Variants in LRPPRC observed in about 807,000 individuals in gnomAD.
The protein encoded by LRPPRC is leucine-rich PPR motif-containing protein, mitochondrial.
In LRPPRC, 120 loss-of-function variants were observed where a neutral mutation model predicts 180.3. That is an observed-to-expected ratio of 0.67 (90% confidence interval 0.57 to 0.77). LRPPRC has a LOEUF of 0.77. LRPPRC is among the 30% of genes least tolerant of loss of function. The probability of loss-of-function intolerance (pLI) is 0.00; values close to 1 mark genes in which losing one functional copy is unlikely to be tolerated. For synonymous variants in LRPPRC, 723 were observed against 600.0 expected, an observed-to-expected ratio of 1.21 and a Z score of -3.00; for missense variants, 2,012 against 1,657.2, an observed-to-expected ratio of 1.21 and a Z score of -3.72.
chr2:43,934,123 T>G (rs1434475687), intron 25 of LRPPRC, 67 bp downstream of exon 25: 22 of 909,676 alleles, frequency 2.4e-5, no homozygotes. Flanking sequence ...AGGTTAAAAT[T>G]TTTAAATGTA....
intron 25 of LRPPRC, among the ~76,000 whole-genome samples, chr2:43,932,117 C>T (rs1332850455): frequency 3.4e-5 from 2 of 59,074 alleles, no homozygotes; most frequent in Non-Finnish European, 5.7e-5. Flanking sequence ...AAGCAAGACC[C>T]TGTCTCAAAA....
intron 3 of LRPPRC, 129 bp downstream of exon 3, chr2:43,979,697 T>C: frequency 2.6e-6 from 2 of 755,164 alleles, no homozygotes; most frequent in East Asian, 2.7e-5. Context: ...ATAAATATTA[T>C]CAAAAAATTA....
chr2:43,930,809 C>A (rs538171543), intron 25 of LRPPRC, among the ~76,000 whole-genome samples: 1 of 152,268 alleles, frequency 6.6e-6, no homozygotes, highest in African/African-American at 2.4e-5. Flanking sequence ...AACTAAAACT[C>A]AGGGTTCGTG....
At chr2:43,970,797 T>C (rs1673770358) in intron 11 of LRPPRC, among the ~76,000 whole-genome samples, 1 of 152,196 alleles carries the variant, frequency 6.6e-6, no homozygotes, top group African/African-American at 2.4e-5. Flanking sequence ...GGCAACTGCT[T>C]CCTCTTTGAA....
At chr2:43,945,620 C>G (rs1478122886) in intron 21 of LRPPRC, among the ~76,000 whole-genome samples, 1 of 151,944 alleles carries the variant, frequency 6.6e-6, no homozygotes, top group Non-Finnish European at 1.5e-5. Flanking sequence ...AGTAAAAGCC[C>G]AACACTACAT....
At chr2:43,989,664 C>T (rs1391595679) in intron 1 of LRPPRC, among the ~76,000 whole-genome samples, 1 of 152,160 alleles carries the variant, frequency 6.6e-6, no homozygotes. Context: ...TCATTCTGCA[C>T]CCAATGATAA....
chr2:43,974,327 T>C (rs773076787), intron 8 of LRPPRC, 32 bp from the exon 9 acceptor site: 7 of 1,524,308 alleles, frequency 4.6e-6, no homozygotes, highest in African/African-American at 1.4e-5. Context: ...CTTTTGTTAA[T>C]AAACTGAACA....
intron 3 of LRPPRC, 106 bp from the exon 4 acceptor site, chr2:43,977,382 A>T: frequency 1.2e-6 from 1 of 864,342 alleles, no homozygotes; most frequent in South Asian, 1.4e-5. Context: ...TCACTTTAGC[A>T]TTTCACCCAT....
intron 31 of LRPPRC, among the ~76,000 whole-genome samples, chr2:43,904,875 G>T (rs1312672669): frequency 6.6e-6 from 1 of 152,120 alleles, no homozygotes. Flanking sequence ...CAAAACTGCA[G>T]TATCACTGTA....
intron 27 of LRPPRC, among the ~76,000 whole-genome samples, chr2:43,922,544 G>A (rs1466583843): frequency 1.3e-5 from 2 of 152,198 alleles, no homozygotes; most frequent in Non-Finnish European, 2.9e-5. Context: ...TGGATCACAA[G>A]GTCAGGAGTT....
Position 43,886,270 on chromosome 2 carries a change from T to G in LRPPRC, c.*2330A>C, listed in dbSNP as rs1670268680. On this transcript the variant is annotated 3_prime_UTR_variant, in exon 38 of 38. Transcript: ENST00000260665. Reference sequence around the variant, plus strand: ...TCAAAGCATTTCAGTTAAAATTATTTTGGGTTCAAATACATGAACATATAA... The same window carrying G: ...TCAAAGCATTTCAGTTAAAATTATTGTGGGTTCAAATACATGAACATATAA... 6.6e-6 allele frequency among the ~76,000 whole-genome samples: 1 copy of G among 152,182 alleles called. No homozygotes were observed. The highest frequency in any genetic ancestry group is 1.5e-5 in the Non-Finnish European group (1 of 68,030).
At chr2:43,964,601 T>C (rs1265605679) in intron 11 of LRPPRC, among the ~76,000 whole-genome samples, 2 of 152,156 alleles carry the variant, frequency 1.3e-5, no homozygotes, top group African/African-American at 4.8e-5. Context: ...GTACAAATAA[T>C]TGACAGTAAA....
chr2:43,989,732 T>C (rs1426719214), intron 1 of LRPPRC, among the ~76,000 whole-genome samples: 1 of 152,180 alleles, frequency 6.6e-6, no homozygotes, highest in Non-Finnish European at 1.5e-5. Flanking sequence ...GTAACATATG[T>C]AAAACACTTG....
chr2:43,896,442 G>A (rs1396707525), intron 35 of LRPPRC, 192 bp downstream of exon 35: 6 of 522,678 alleles, frequency 1.1e-5, no homozygotes, highest in Admixed American at 9.6e-5. Context: ...AAATTCCTGC[G>A]TGAACTTGTT....
intron 22 of LRPPRC, among the ~76,000 whole-genome samples, chr2:43,944,528 T>A (rs1229742241): frequency 6.6e-6 from 1 of 152,016 alleles, no homozygotes; most frequent in Non-Finnish European, 1.5e-5. Flanking sequence ...AAAGTGATTT[T>A]AAAAAAATAG....
intron 1 of LRPPRC, among the ~76,000 whole-genome samples, chr2:43,992,399 G>C (rs1674820365): frequency 6.6e-6 from 1 of 152,236 alleles, no homozygotes; most frequent in East Asian, 1.9e-4. Context: ...GCACTTCAAA[G>C]TAGTAGTCTG....
At position 43,945,414 on chromosome 2, in the gene LRPPRC, G is replaced by C; in HGVS notation, c.2214C>G (p.Asp738Glu). 1 of 1,603,606 alleles carries C rather than the reference G, an allele frequency of 6.2e-7. No individual in the cohort carries two copies. Among genetic ancestry groups the C allele is most frequent in the Non-Finnish European group, 8.5e-7 (1 of 1,170,800 alleles). The change falls in exon 22 of 38, where the codon GAC becomes GAG. Residue 738 changes from aspartate (D) to glutamate (E), a missense_variant. Coordinates refer to ENST00000260665, the MANE Select transcript of LRPPRC (RefSeq NM_133259.4). ...CAAGGACAGCAGATGAATCTAAGCG[G>C]TCACTAAAAATTAAAGCCACATTTA... Reference protein sequence around the residue: ...EDALNLKEEFDRLDSSAVLDT... With the variant: ...EDALNLKEEFERLDSSAVLDT...
chr2:43,890,612 C>T (rs1174296047), intron 36 of LRPPRC, among the ~76,000 whole-genome samples: 3 of 152,084 alleles, frequency 2.0e-5, no homozygotes, highest in Non-Finnish European at 2.9e-5. Context: ...ACTTGGGAGG[C>T]GGAGGCAGGA....
In LRPPRC at chr2:43,963,717, A is replaced by C. The variant is rs202082850; in HGVS notation, c.1370-11T>G. On this transcript the variant is annotated splice_polypyrimidine_tract_variant and intron_variant, in intron 11 of 37. Coordinates refer to ENST00000260665, the MANE Select transcript of LRPPRC (RefSeq NM_133259.4). ...GGATTTCAATTATACCTACCAAATAAAATGTAGAAGCACAGAGATAGAGAA... is the reference window on the plus strand; with the variant it reads ...GGATTTCAATTATACCTACCAAATACAATGTAGAAGCACAGAGATAGAGAA... 13 of 1,317,734 alleles carry C rather than the reference A, an allele frequency of 9.9e-6. No individual in the cohort carries two copies. Among genetic ancestry groups the C allele is most frequent in the Middle Eastern group, 1.8e-4 (1 of 5,498 alleles). The allele number at this position is 1,317,734 out of a possible 1,614,324, so 81.6% of individuals were successfully genotyped here.
Sources: allele counts gnomAD v4.1 joint callset (sites outside exome capture counted in the v4.1 genomes callset), GRCh38; gene constraint gnomAD v4.1.1; transcripts MANE v1.5; gene names NCBI Gene and HGNC (gene_info 2026-07-23, HGNC 2026-07-21).